Variants in IGSF9 observed in about 807,000 individuals in gnomAD.
IGSF9 encodes the protein protein turtle homolog A.
IGSF9 carries 87 observed loss-of-function variants against 121.7 expected under a neutral mutation model. That is an observed-to-expected ratio of 0.71 (90% CI 0.60 to 0.85). The LOEUF is 0.85. IGSF9 is among the 40% of genes least tolerant of loss of function. IGSF9 has a pLI of 0.00. For missense variants in IGSF9, 1,462 were observed against 1,565.3 expected (o/e 0.93, Z 1.11); for synonymous variants, 640 against 648.4 (o/e 0.99, Z 0.20).
In IGSF9 at chr1:159,929,702, G is replaced by A; in HGVS notation, c.2262C>T (p.Ile754=). ...CFLGVAVLVS[I]LAGCLLNRRR... is the part of the protein sequence containing the mutation. ...GCCGGTTCAGGAGGCAGCCGGCCAG[G>A]ATGCTCACAAGGACGGCCACTCCCA... The change falls in exon 17 of 21, where the codon ATC becomes ATT. Residue 754 remains isoleucine (I), a synonymous_variant. Coordinates refer to ENST00000368094, the MANE Select transcript of IGSF9 (RefSeq NM_001135050.2). 1 of 1,599,774 alleles carries A rather than the reference G, an allele frequency of 6.3e-7. No individual in the cohort carries two copies. Among genetic ancestry groups the A allele is most frequent in the Non-Finnish European group, 8.5e-7 (1 of 1,174,400 alleles).
rs755360572 is a variant in IGSF9 at position 159,931,948 on chromosome 1, T to C, written c.1246-20A>G. The C allele has an allele frequency of 3.3e-6, 5 of 1,495,632 alleles. No individual in the cohort carries two copies. The highest frequency in any genetic ancestry group is 2.0e-5 in the Admixed American group (1 of 48,826). 92.6% of individuals were successfully genotyped at this position (1,495,632 alleles called of 1,614,324 possible). ...GGGAGCCTGCAAGCCAGATCTGGCA[T>C]TGGGAGGGGCCCTCTCTTACATCTA... is the stretch of plus-strand genomic sequence containing the variant. On this transcript the variant is annotated intron_variant, in intron 10 of 20. Transcript: ENST00000368094. This position sits in a 1 kb window ranked among gnomAD's most constrained non-coding sequence, Gnocchi z 4.8.
chr1:159,929,189 G>A (rs906760925), intron 18 of IGSF9, 162 bp downstream of exon 18: 3 of 1,290,064 alleles, frequency 2.3e-6, no homozygotes, highest in African/African-American at 2.9e-5. Context: ...ATACTGGAAC[G>A]GCCTCAGGCT....
At chr1:159,934,883 G>A in intron 6 of IGSF9, 61 bp from the exon 7 acceptor site, 1 of 1,597,972 alleles carries the variant, frequency 6.3e-7, no homozygotes, top group South Asian at 1.1e-5. Flanking sequence ...GAACCCTGAG[G>A]TCACCTCTAC....
rs1340451503 is a variant in IGSF9, at chr1:159,927,216, T to G, written c.*129A>C. 10 of 1,116,538 alleles carry G rather than the reference T, an allele frequency of 9.0e-6. No individual in the cohort carries two copies. In the Admixed American group the frequency reaches 1.6e-4, roughly 18 times the overall value. 69.2% of individuals were successfully genotyped at this position (1,116,538 alleles called of 1,614,324 possible). ...CCATACCAAGGTGACCCAAACCCAC[T>G]ATCAGGGTCTGTGCCTGGGCACCAA... On this transcript the variant is annotated 3_prime_UTR_variant, in exon 21 of 21. Coordinates refer to ENST00000368094, the MANE Select transcript of IGSF9 (RefSeq NM_001135050.2).
chr1:159,937,177 G>GTTCTGGGAGTGAGGAGGCC (rs1333368704), intron 4 of IGSF9, among the ~76,000 whole-genome samples: 2 of 152,228 alleles, frequency 1.3e-5, no homozygotes, highest in African/African-American at 4.8e-5. Context: ...GAGGAGCACT[G>GTTCTGGGAGTGAGGAGGCC]TTCTGGGAGT....
intron 18 of IGSF9, 87 bp downstream of exon 18, chr1:159,929,264 C>G: frequency 6.6e-7 from 1 of 1,505,614 alleles, no homozygotes; most frequent in African/African-American, 1.4e-5. Flanking sequence ...CCAACATCCC[C>G]CTGGTAAAGA....
intron 15 of IGSF9, 64 bp from the exon 16 acceptor site, chr1:159,930,039 G>T (rs1043950594): frequency 1.9e-6 from 3 of 1,567,718 alleles, no homozygotes; most frequent in African/African-American, 1.3e-5. Flanking sequence ...CCAGCGGGGC[G>T]CGGAAAGACC....
chr1:159,929,989 G>A lies in IGSF9; in HGVS notation c.2065-14C>T, dbSNP rs755004602. On this transcript the variant is annotated splice_polypyrimidine_tract_variant and intron_variant, in intron 15 of 20. Transcript: ENST00000368094. ...GTAGAGAACATCCTGCGATGGGGATGGGGTACCAGGAGGGAGGTCAGGGCC... is the reference window on the plus strand; with the variant it reads ...GTAGAGAACATCCTGCGATGGGGATAGGGTACCAGGAGGGAGGTCAGGGCC... 17 of 1,592,846 alleles carry A rather than the reference G, an allele frequency of 1.1e-5. No homozygotes were observed. The highest frequency in any genetic ancestry group is 2.3e-5 in the East Asian group (1 of 43,910).
Position 159,931,839 on chromosome 1 carries a change from G to A in IGSF9, c.1335C>T (p.Asp445=). The change falls in exon 11 of 21, where the codon GAC becomes GAT. Residue 445 remains aspartate (D), a synonymous_variant. Transcript: ENST00000368094. This position sits in a 1 kb window ranked among gnomAD's most constrained non-coding sequence, Gnocchi z 4.8. ...ELLIPCSAQG[D]PPPVVSWTKV... ...TGGTCCAAGAGACAACAGGAGGAGG[G>A]TCCCCTTGGGCGGAGCAGGGGATGA... The A allele has an allele frequency of 6.3e-7, 1 of 1,588,816 alleles. No homozygotes were observed. The highest frequency in any genetic ancestry group is 8.6e-7 in the Non-Finnish European group (1 of 1,169,424).
intron 3 of IGSF9, among the ~76,000 whole-genome samples, chr1:159,941,118 A>G (rs78644525): frequency 0.12 from 17,786 of 152,014 alleles, 1,939 homozygotes; most frequent in African/African-American, 0.29. Flanking sequence ...ATGCTTCTAG[A>G]GTCCTCAAAG....
At position 159,930,886 on chromosome 1, in the gene IGSF9, T is replaced by G. The variant is rs201288797; in HGVS notation, c.1638-19A>C. 2.4e-4 allele frequency: 383 copies of G among 1,584,130 alleles called. 2 individuals carry two copies. In the Admixed American group the frequency reaches 7.0e-3, roughly 29 times the overall value. On this transcript the variant is annotated intron_variant, in intron 13 of 20. Coordinates refer to ENST00000368094, the MANE Select transcript of IGSF9 (RefSeq NM_001135050.2). Reference sequence around the variant, plus strand: ...CTTGGCCCTGGGAGACATGAGGACATGGGGGGCACCTCGTGAGCTAGGAAG... The same window carrying G: ...CTTGGCCCTGGGAGACATGAGGACAGGGGGGGCACCTCGTGAGCTAGGAAG...
chr1:159,936,283 G>C, intron 6 of IGSF9, 116 bp downstream of exon 6: 2 of 891,092 alleles, frequency 2.2e-6, no homozygotes, highest in Non-Finnish European at 1.8e-6. Flanking sequence ...TAGCTTCCAC[G>C]GGCCCTGCCC....
rs570187347 is a variant in IGSF9 at position 159,927,448 on chromosome 1, C to T, written c.3437G>A (p.Arg1146Gln). ...GCGGCGGAAGGCCAGGAATTCCTCC[C>T]GAAGGGCAGCACAGCGGGCCTCAGG... ...TGPEARCAAL[R>Q]EEFLAFRRRR... The change falls in exon 21 of 21, where the codon CGG (arginine) becomes CAG (glutamine). Residue 1146 changes from arginine (R) to glutamine (Q), a missense_variant. Physicochemically the swap from Arg to Gln is conservative, Grantham distance 43. Transcript: ENST00000368094. 100 of 1,613,972 alleles carry T rather than the reference C, an allele frequency of 6.2e-5. 3 individuals are homozygous for T. In the South Asian group the frequency reaches 7.7e-4, roughly 12 times the overall value.
At position 159,931,927 on chromosome 1, in the gene IGSF9, GC is replaced by G; in HGVS notation, c.1246del (p.Ala416LeufsTer6). On this transcript the variant is annotated frameshift_variant and splice_region_variant, in exon 11 of 21. Transcript: ENST00000368094. LOFTEE classifies it high-confidence loss of function. This position sits in a 1 kb window ranked among gnomAD's most constrained non-coding sequence, Gnocchi z 4.8. The part of the protein sequence containing the change: ...PSPVTRVLLK[A>X]PPAFIERPKE... ...GGGCCGCTCTATAAAAGCTGGGGGAGCCTGCAAGCCAGATCTGGCATTGGGA... is the reference window on the plus strand; with the variant it reads ...GGGCCGCTCTATAAAAGCTGGGGGAGCTGCAAGCCAGATCTGGCATTGGGA... 6.3e-7 allele frequency: 1 copy of G among 1,582,552 alleles called. No homozygotes were observed. Among genetic ancestry groups the G allele is most frequent in the South Asian group, 1.2e-5 (1 of 86,722 alleles).
At chr1:159,937,624 G>C in intron 4 of IGSF9, 62 bp downstream of exon 4, 1 of 1,563,266 alleles carries the variant, frequency 6.4e-7, no homozygotes, top group Non-Finnish European at 8.8e-7. Flanking sequence ...TCTCCCACCA[G>C]CCAGAGATCC....
At position 159,934,656 on chromosome 1, in the gene IGSF9, A is replaced by G. The variant is rs1202550848; in HGVS notation, c.815+25T>C. 3.7e-6 allele frequency: 6 copies of G among 1,613,962 alleles called. No homozygotes were observed. The Admixed American group carries it at 6.7e-5, about 18-fold the overall frequency. On this transcript the variant is annotated intron_variant, in intron 7 of 20. Transcript: ENST00000368094. ...GACTGTTTGTGAATTCCCCACCTCC[A>G]CCTTCCTAATGAGGGTGACCCCACC...
chr1:159,937,638 T>A (rs763286697), intron 4 of IGSF9, 48 bp downstream of exon 4: 3 of 1,582,202 alleles, frequency 1.9e-6, no homozygotes, highest in Non-Finnish European at 2.6e-6. Flanking sequence ...GAGATCCCCA[T>A]CCTCCTCCTC....
At position 159,929,816 on chromosome 1, in the gene IGSF9, T is replaced by TAGGCAGGGGTCCACGAGGGAG; in HGVS notation, c.2150-23_2150-3dup. The stretch of plus-strand genomic sequence containing the variant: ...TGCGCGAAGGGTAGACCTCCAGACC[T>TAGGCAGGGGTCCACGAGGGAG]AGGCAGGGGTCCACGAGGGAGGGTC... On this transcript the variant is annotated splice_region_variant and splice_polypyrimidine_tract_variant and intron_variant, in intron 16 of 20. Transcript: ENST00000368094. 4 of 1,603,106 alleles carry TAGGCAGGGGTCCACGAGGGAG rather than the reference T, an allele frequency of 2.5e-6. No homozygotes were observed. The highest frequency in any genetic ancestry group is 3.4e-6 in the Non-Finnish European group (4 of 1,175,634).
At position 159,927,076 on chromosome 1, in the gene IGSF9, T is replaced by TCACACACACACACA. The variant is rs138111490; in HGVS notation, c.*255_*268dup. On this transcript the variant is annotated 3_prime_UTR_variant, in exon 21 of 21. Coordinates refer to ENST00000368094, the MANE Select transcript of IGSF9 (RefSeq NM_001135050.2). Reference sequence around the variant, plus strand: ...TTTGTTTATTCACCTGTAAAAAACTTCACACACACACACACACACACAGAG... The same window carrying TCACACACACACACA: ...TTTGTTTATTCACCTGTAAAAAACTTCACACACACACACACACACACACACACACACACACAGAG... The TCACACACACACACA allele has an allele frequency of 8.3e-6, 3 of 362,148 alleles. No homozygotes were observed. Among genetic ancestry groups the TCACACACACACACA allele is most frequent in the African/African-American group, 4.6e-5 (2 of 43,084 alleles). 22.4% of individuals were successfully genotyped at this position (362,148 alleles called of 1,614,324 possible). A position where few individuals can be genotyped will look rare whatever the true frequency, so the allele number is the denominator to read the frequency against.
Sources: gnomAD v4.1 joint callset for allele counts (sites outside exome capture counted in the v4.1 genomes callset) on GRCh38, gnomAD v4.1.1 for gene constraint, Gnocchi (gnomAD v3.1) non-coding constraint, MANE v1.5 for transcripts, NCBI Gene and HGNC (gene_info 2026-07-23, HGNC 2026-07-21) for gene names.